The following GRIP1 variants were observed in gnomAD, a reference collection of about 807,000 sequenced individuals.
GRIP1 encodes glutamate receptor-interacting protein 1.
In GRIP1, 45 loss-of-function variants were observed where a neutral mutation model predicts 129.9. The ratio of observed to expected loss-of-function variants is 0.35; its 90% CI spans 0.27 to 0.44. The LOEUF (loss-of-function observed/expected upper bound fraction) is 0.44. Ranked by LOEUF, GRIP1 falls within the 20% of genes least tolerant of loss-of-function variation. The pLI, the probability that GRIP1 is intolerant of heterozygous loss-of-function variation, is 1.00. For missense variants in GRIP1, 1,196 were observed against 1,396.8 expected (o/e 0.86, Z 2.29); for synonymous variants, 530 against 520.8 (o/e 1.02, Z -0.24).
At chr12:66,987,581 C>CCATATCAA (rs2042330869) in intron 1 of GRIP1, among the ~76,000 whole-genome samples, 1 of 152,128 alleles carries the variant, frequency 6.6e-6, no homozygotes, top group African/African-American at 2.4e-5. Flanking sequence ...GAAAATCTAC[C>CCATATCAA]CATATCAACA....
At chr12:66,529,379 G>A (rs2904512) in intron 5 of GRIP1, among the ~76,000 whole-genome samples, 20,764 of 152,110 alleles carry the variant, frequency 0.14, 1,515 homozygotes, top group East Asian at 0.24. Context: ...CAAAAATATG[G>A]AACCAGCCCA....
chr12:66,944,986 T>C (rs1414009943), intron 1 of GRIP1, among the ~76,000 whole-genome samples: 1 of 152,004 alleles, frequency 6.6e-6, no homozygotes, highest in Non-Finnish European at 1.5e-5. Flanking sequence ...AGAGACAGGG[T>C]TTTGTCTTGT....
intron 16 of GRIP1, among the ~76,000 whole-genome samples, chr12:66,404,775 T>C (rs983278722): frequency 1.5e-4 from 23 of 152,186 alleles, no homozygotes; most frequent in Admixed American, 1.4e-3. Flanking sequence ...CTCACACCTG[T>C]AATCCCAGCA....
At chr12:66,535,168 T>C (rs1304025661) in intron 4 of GRIP1, among the ~76,000 whole-genome samples, 1 of 152,200 alleles carries the variant, frequency 6.6e-6, no homozygotes, top group Non-Finnish European at 1.5e-5. Flanking sequence ...GGACAAATCT[T>C]CACTATTAGC....
At chr12:66,753,829 A>C (rs2037202360) in intron 1 of GRIP1, among the ~76,000 whole-genome samples, 1 of 152,230 alleles carries the variant, frequency 6.6e-6, no homozygotes, top group South Asian at 2.1e-4. Flanking sequence ...TGGTTAAATG[A>C]CTGATAGTAT....
chr12:66,404,460 C>T (rs528799488), intron 16 of GRIP1, among the ~76,000 whole-genome samples: 6 of 152,280 alleles, frequency 3.9e-5, no homozygotes, highest in African/African-American at 1.4e-4. Context: ...GGCTGTTCGT[C>T]TTCCACCATA....
intron 1 of GRIP1, among the ~76,000 whole-genome samples, chr12:67,066,320 T>C (rs2043624649): frequency 6.6e-6 from 1 of 152,218 alleles, no homozygotes; most frequent in African/African-American, 2.4e-5. Flanking sequence ...TCTTCTTTTT[T>C]AGGAATAAGG....
intron 1 of GRIP1, among the ~76,000 whole-genome samples, chr12:66,840,825 G>T (rs1224626114): frequency 5.3e-5 from 8 of 152,096 alleles, no homozygotes; most frequent in Admixed American, 5.2e-4. Flanking sequence ...GACTGACAAG[G>T]TCAAACATGC....
chr12:66,459,734 T>C (rs532087467), intron 9 of GRIP1, among the ~76,000 whole-genome samples: 1 of 152,292 alleles, frequency 6.6e-6, no homozygotes, highest in South Asian at 2.1e-4. Context: ...ATGCCATGGA[T>C]GATGAATGCA....
intron 1 of GRIP1, among the ~76,000 whole-genome samples, chr12:66,945,421 T>A (rs906100697): frequency 6.6e-6 from 1 of 152,188 alleles, no homozygotes; most frequent in African/African-American, 2.4e-5. Flanking sequence ...AAAAGAGTGT[T>A]TAATTGGCTT....
chr12:66,941,349 T>G (rs1038873491), intron 1 of GRIP1, among the ~76,000 whole-genome samples: 1 of 152,204 alleles, frequency 6.6e-6, no homozygotes, highest in African/African-American at 2.4e-5. Context: ...TAGGCCACAC[T>G]GGAATCTTAT....
intron 3 of GRIP1, 108 bp downstream of exon 3, chr12:66,541,707 G>T: frequency 8.7e-7 from 1 of 1,151,180 alleles, no homozygotes; most frequent in Non-Finnish European, 1.3e-6. Context: ...CTGCCTGGCA[G>T]ATGGCAGCTG....
intron 1 of GRIP1, among the ~76,000 whole-genome samples, chr12:66,611,972 A>T (rs189722663): frequency 1.3e-5 from 2 of 152,304 alleles, no homozygotes; most frequent in Admixed American, 1.3e-4. Flanking sequence ...TATATCATAA[A>T]ATATTTGAAA....
At chr12:66,535,422 A>G (rs2061578165) in intron 4 of GRIP1, among the ~76,000 whole-genome samples, 1 of 152,200 alleles carries the variant, frequency 6.6e-6, no homozygotes, top group African/African-American at 2.4e-5. Flanking sequence ...GGCTAATGTT[A>G]TTAGTTACTT....
chr12:66,896,985 G>A (rs540457281), intron 1 of GRIP1, among the ~76,000 whole-genome samples: 1 of 152,326 alleles, frequency 6.6e-6, no homozygotes, highest in African/African-American at 2.4e-5. Context: ...TCACACAGTG[G>A]TTACACGTGC....
intron 1 of GRIP1, among the ~76,000 whole-genome samples, chr12:66,871,328 T>C (rs1321655505): frequency 6.6e-6 from 1 of 152,164 alleles, no homozygotes; most frequent in African/African-American, 2.4e-5. Context: ...TAGCATTCAC[T>C]CAGACATAGA....
In GRIP1 at chr12:66,672,912, T is replaced by A. The variant is rs187952552; in HGVS notation, c.55+5938A>T. The stretch of plus-strand genomic sequence containing the variant: ...CTGAAATTTAGTGGGGGAAATTCAG[T>A]TTTTTTGTTTGTTTGTTTTTGCCAC... On this transcript the variant is annotated intron_variant, in intron 1 of 24. Transcript: ENST00000359742. 4.3e-4 allele frequency among the ~76,000 whole-genome samples: 65 copies of A among 152,232 alleles called. 1 individual carries two copies. The highest frequency in any genetic ancestry group is 1.3e-4 in the Non-Finnish European group (9 of 68,022).
rs992907266 is a variant in GRIP1, at chr12:67,058,620, T to C, written c.58+10430A>G. On this transcript the variant is annotated intron_variant, in intron 1 of 1. Transcript: ENST00000643019. ...ACAAAGGGCAGATTTCTAGTAAAAC[T>C]ATTAAGTGAGAAAAGTTTATGTGCA... Among the ~76,000 whole-genome samples the C allele has an allele frequency of 6.6e-5, 10 of 152,216 alleles. 1 individual carries two copies. Among genetic ancestry groups the C allele is most frequent in the Admixed American group, 2.0e-4 (3 of 15,288 alleles).
chr12:66,821,848 G>GT (rs768771358), intron 1 of GRIP1, among the ~76,000 whole-genome samples: 1 of 152,116 alleles, frequency 6.6e-6, no homozygotes, highest in Non-Finnish European at 1.5e-5. Flanking sequence ...ACAACAAAAA[G>GT]TAGAGGCCCT....
Sources: gnomAD v4.1 joint callset for allele counts (sites outside exome capture counted in the v4.1 genomes callset) on GRCh38, gnomAD v4.1.1 for gene constraint, MANE v1.5 for transcripts, NCBI Gene and HGNC (gene_info 2026-07-23, HGNC 2026-07-21) for gene names.